The following CNOT6 variants were observed in gnomAD, a reference collection of about 807,000 sequenced individuals.
CNOT6 encodes carbon catabolite repression 4 protein.
In CNOT6, 12 loss-of-function variants were observed where a neutral mutation model predicts 61.2. The ratio of observed to expected loss-of-function variants is 0.20; its 90% CI spans 0.13 to 0.32. CNOT6 has a LOEUF of 0.32. CNOT6 is among the 10% of genes least tolerant of loss of function. The pLI is 1.00. For missense variants in CNOT6, 405 were observed against 663.9 expected (o/e 0.61, Z 4.28); for synonymous variants, 225 against 240.6 (o/e 0.94, Z 0.60).
At chr5:180,546,081 G>T (rs1759299510) in intron 2 of CNOT6, among the ~76,000 whole-genome samples, 1 of 151,638 alleles carries the variant, frequency 6.6e-6, no homozygotes, top group Non-Finnish European at 1.5e-5. Flanking sequence ...TTTTAGTAGA[G>T]ATGGGGGTTT....
intron 1 of CNOT6, among the ~76,000 whole-genome samples, chr5:180,513,673 T>TTTTATTTATTTATTTA (rs137914888): frequency 3.4e-5 from 5 of 146,924 alleles, no homozygotes; most frequent in Non-Finnish European, 4.5e-5. Flanking sequence ...TGCCTGGCCC[T>TTTTATTTATTTATTTA]TTTATTTATT....
chr5:180,532,611 A>C (rs1357813731), intron 2 of CNOT6, among the ~76,000 whole-genome samples: 2 of 152,158 alleles, frequency 1.3e-5, no homozygotes, highest in Non-Finnish European at 2.9e-5. Flanking sequence ...AGCAGACACC[A>C]GTTAGGTGCC....
chr5:180,530,067 G>A (rs1220162464), intron 2 of CNOT6, among the ~76,000 whole-genome samples: 1 of 152,096 alleles, frequency 6.6e-6, no homozygotes, highest in African/African-American at 2.4e-5. Flanking sequence ...TACTTCTCAG[G>A]GCAACCAGTG....
At chr5:180,498,694 G>A (rs1047134994) in intron 1 of CNOT6, among the ~76,000 whole-genome samples, 1 of 152,250 alleles carries the variant, frequency 6.6e-6, no homozygotes, top group Non-Finnish European at 1.5e-5. Context: ...AATATTGTTA[G>A]CAGAGGAGCA....
At chr5:180,499,839 T>C (rs13156947) in intron 1 of CNOT6, among the ~76,000 whole-genome samples, 37,963 of 152,148 alleles carry the variant, frequency 0.25, 5,806 homozygotes, top group Middle Eastern at 0.4. Context: ...GAATTACTTA[T>C]AATCAGATGG....
chr5:180,523,553 C>T (rs1757965640), intron 1 of CNOT6, among the ~76,000 whole-genome samples: 1 of 152,184 alleles, frequency 6.6e-6, no homozygotes, highest in East Asian at 1.9e-4. Flanking sequence ...CACCTCTCTC[C>T]TAACCAGAGG....
At chr5:180,560,873 T>C (rs1159054666) in intron 4 of CNOT6, among the ~76,000 whole-genome samples, 1 of 152,212 alleles carries the variant, frequency 6.6e-6, no homozygotes, top group African/African-American at 2.4e-5. Context: ...TTAGATCTTT[T>C]GTTATAGTCC....
chr5:180,542,236 G>T (rs1428977067), intron 2 of CNOT6, among the ~76,000 whole-genome samples: 1 of 150,984 alleles, frequency 6.6e-6, no homozygotes, highest in African/African-American at 2.4e-5. Context: ...TGCTGAGCTC[G>T]TCGGCTCTGG....
At chr5:180,554,131 C>A (rs1759754743) in intron 4 of CNOT6, among the ~76,000 whole-genome samples, 2 of 152,120 alleles carry the variant, frequency 1.3e-5, no homozygotes, top group Non-Finnish European at 2.9e-5. Flanking sequence ...AGATTTGCAC[C>A]CTTAGGCCGG....
intron 1 of CNOT6, among the ~76,000 whole-genome samples, chr5:180,504,727 G>A (rs1024463964): frequency 2.0e-5 from 3 of 152,102 alleles, no homozygotes; most frequent in African/African-American, 7.2e-5. Context: ...CCTTACATTA[G>A]TGGGCAGACT....
intron 1 of CNOT6, among the ~76,000 whole-genome samples, chr5:180,513,845 A>C (rs977232410): frequency 4.6e-5 from 7 of 151,778 alleles, no homozygotes; most frequent in Non-Finnish European, 8.8e-5. Flanking sequence ...CTGGGACTAC[A>C]GGCGCCCGCC....
intron 9 of CNOT6, 38 bp downstream of exon 9, chr5:180,568,041 T>C (rs756983822): frequency 6.5e-7 from 1 of 1,537,674 alleles, no homozygotes; most frequent in Non-Finnish European, 8.8e-7. Context: ...TGACCAGCTC[T>C]GACTAGACAT....
intron 2 of CNOT6, among the ~76,000 whole-genome samples, chr5:180,539,164 A>C (rs535246891): frequency 2.4e-5 from 3 of 122,958 alleles, no homozygotes; most frequent in African/African-American, 8.8e-5. Flanking sequence ...ACAGAGCGAG[A>C]CTCCATCTCA....
chr5:180,506,688 C>T lies in CNOT6; in HGVS notation c.-3+11925C>T, dbSNP rs559928959. Reference sequence around the variant, plus strand: ...TATCCCAGAACCAGTATTTTTAGTTCTCTTGGATATTAAAGTCCTTTCTAT... The same window carrying T: ...TATCCCAGAACCAGTATTTTTAGTTTTCTTGGATATTAAAGTCCTTTCTAT... On this transcript the variant is annotated intron_variant, in intron 1 of 11. Transcript: ENST00000261951. 7.2e-5 allele frequency among the ~76,000 whole-genome samples: 11 copies of T among 152,262 alleles called. No individual in the cohort carries two copies. In the South Asian group the frequency reaches 2.1e-3, roughly 29 times the overall value.
intron 3 of CNOT6, among the ~76,000 whole-genome samples, chr5:180,552,986 T>TTTTTTTTTTTTTTTTTTTTTTG (rs1759699175): frequency 6.6e-6 from 1 of 152,200 alleles, no homozygotes; most frequent in African/African-American, 2.4e-5. Flanking sequence ...TCCACTTTCT[T>TTTTTTTTTTTTTTTTTTTTTTG]AAATGTGTAG....
At chr5:180,547,887 G>T (rs2127741380) in intron 2 of CNOT6, among the ~76,000 whole-genome samples, 1 of 152,060 alleles carries the variant, frequency 6.6e-6, no homozygotes, top group East Asian at 2.0e-4. Flanking sequence ...GCGCCCACCA[G>T]CATACCTGGC....
At chr5:180,515,961 A>G (rs1263260482) in intron 1 of CNOT6, among the ~76,000 whole-genome samples, 1 of 152,132 alleles carries the variant, frequency 6.6e-6, no homozygotes, top group African/African-American at 2.4e-5. Flanking sequence ...AGGCTGGTGG[A>G]GTGCAGTGGC....
At chr5:180,547,838 G>T (rs886264377) in intron 2 of CNOT6, among the ~76,000 whole-genome samples, 1 of 151,966 alleles carries the variant, frequency 6.6e-6, no homozygotes, top group Non-Finnish European at 1.5e-5. Context: ...GGTTCAAGCG[G>T]TTCTCCTGCC....
intron 1 of CNOT6, chr5:180,495,578 G>C (rs953227539): frequency 1.3e-5 from 2 of 152,218 alleles, no homozygotes; most frequent in Non-Finnish European, 2.9e-5. Flanking sequence ...CTTTGGATTT[G>C]TTGTTACTGT....
Sources: gnomAD v4.1 joint callset for allele counts (sites outside exome capture counted in the v4.1 genomes callset) on GRCh38, gnomAD v4.1.1 for gene constraint, MANE v1.5 for transcripts, NCBI Gene and HGNC (gene_info 2026-07-23, HGNC 2026-07-21) for gene names.